The following HECW1 variants were observed in gnomAD, a reference collection of about 807,000 sequenced individuals.
The protein encoded by HECW1 is E3 ubiquitin-protein ligase HECW1.
Under a neutral mutation model 182.3 loss-of-function variants are expected in HECW1, and 61 were observed. The ratio of observed to expected loss-of-function variants is 0.33; its 90% CI spans 0.27 to 0.41. HECW1 has a LOEUF of 0.41. HECW1 is among the 10% of genes least tolerant of loss of function. The pLI, the probability that HECW1 is intolerant of heterozygous loss-of-function variation, is 1.00. For synonymous variants in HECW1, 859 were observed against 832.6 expected, an observed-to-expected ratio of 1.03 and a Z score of -0.55; for missense variants, 1,739 against 2,108.9, an observed-to-expected ratio of 0.82 and a Z score of 3.44.
At chr7:43,385,610 G>A (rs1328429204) in intron 6 of HECW1, among the ~76,000 whole-genome samples, 1 of 151,946 alleles carries the variant, frequency 6.6e-6, no homozygotes, top group Non-Finnish European at 1.5e-5. Flanking sequence ...TGTTGCCCTT[G>A]CTAACAGAAG....
chr7:43,267,888 T>C (rs997943983), intron 3 of HECW1, among the ~76,000 whole-genome samples: 2 of 152,202 alleles, frequency 1.3e-5, no homozygotes, highest in African/African-American at 4.8e-5. Context: ...ACTGAAGTTA[T>C]GAACATAACT....
intron 5 of HECW1, among the ~76,000 whole-genome samples, chr7:43,330,037 A>ATC (rs1213761784): frequency 6.6e-6 from 1 of 152,202 alleles, no homozygotes. Context: ...AGGAAGAAGA[A>ATC]GAGAAAGAGA....
At chr7:43,471,999 T>A (rs2078042013) in intron 16 of HECW1, among the ~76,000 whole-genome samples, 1 of 152,188 alleles carries the variant, frequency 6.6e-6, no homozygotes, top group Admixed American at 6.5e-5. Flanking sequence ...CTTCTGTTAT[T>A]AACTAAGAGG....
intron 8 of HECW1, among the ~76,000 whole-genome samples, chr7:43,414,769 C>T (rs1289290892): frequency 2.7e-4 from 41 of 150,482 alleles, no homozygotes; most frequent in African/African-American, 7.8e-4. Flanking sequence ...TATTGATTTG[C>T]GTATATTGAA....
In HECW1 at chr7:43,507,245, C is replaced by T. The variant is rs759660521; in HGVS notation, c.3740C>T (p.Pro1247Leu). The T allele has an allele frequency of 8.7e-6, 14 of 1,613,198 alleles. No homozygotes were observed. Among genetic ancestry groups the T allele is most frequent in the South Asian group, 1.1e-5 (1 of 91,046 alleles). The change falls in exon 22 of 30, where the codon CCG becomes CTG. Residue 1247 changes from proline (P) to leucine (L), a missense_variant. By Grantham distance (98) the Pro-to-Leu change is moderately conservative. Around this residue, in one of 5 missense-constraint regions of HECW1, gnomAD observed 420 missense variants for 595.7 expected, o/e 0.71. Transcript: ENST00000395891. ...GAAGCCAAAGGATTTGGTCAGGGTC[C>T]GGGGAAAATTAAGTGAGTGCTCCAG... ...KLEAKGFGQG[P>L]GKIKLIIRRD...
At position 43,114,242 on chromosome 7, in the gene HECW1, G is replaced by A. The variant is rs766430134; in HGVS notation, c.-181G>A. 9 of 1,362,014 alleles carry A rather than the reference G, an allele frequency of 6.6e-6. No homozygotes were observed. The highest frequency in any genetic ancestry group is 6.2e-5 in the South Asian group (5 of 81,136). The allele number at this position is 1,362,014 out of a possible 1,614,324, so 84.4% of individuals were successfully genotyped here. A position where few individuals can be genotyped will look rare whatever the true frequency, so the allele number is the denominator to read the frequency against. On this transcript the variant is annotated 5_prime_UTR_variant, in exon 2 of 30. The change creates a premature stop within an existing upstream ORF in the 5' untranslated region. Coordinates refer to ENST00000395891, the MANE Select transcript of HECW1 (RefSeq NM_015052.5). ...GGGAGGCATCTTCTCTCTTTTCCTG[G>A]GATTTAAACGCGATTTAGGAGGGCA... is the stretch of plus-strand genomic sequence containing the variant.
intron 3 of HECW1, among the ~76,000 whole-genome samples, chr7:43,306,216 A>T (rs1396356957): frequency 6.6e-6 from 1 of 152,200 alleles, no homozygotes; most frequent in Non-Finnish European, 1.5e-5. Flanking sequence ...TTTTAATGAG[A>T]TGTACAACAG....
intron 17 of HECW1, among the ~76,000 whole-genome samples, chr7:43,488,434 GAGAAAGAAAGAAAGAA>G (rs796394625): frequency 0.014 from 1,298 of 93,136 alleles, 20 homozygotes; most frequent in Middle Eastern, 0.041. Context: ...AAGAAAGAAA[GAGAAAGAAAGAAAGAA>G]AGAAAGAAAG....
intron 6 of HECW1, among the ~76,000 whole-genome samples, chr7:43,388,714 CT>C (rs897513144): frequency 9.8e-5 from 15 of 152,314 alleles, no homozygotes; most frequent in African/African-American, 3.6e-4. Context: ...CCTCTGCCTC[CT>C]GGGCTCAAGC....
chr7:43,343,030 A>G (rs1424720433), intron 5 of HECW1, among the ~76,000 whole-genome samples: 5 of 64,180 alleles, frequency 7.8e-5, no homozygotes, highest in African/African-American at 2.0e-4. Flanking sequence ...ATCTCAAAAG[A>G]AAAAAAAAAA....
chr7:43,304,601 C>T (rs1278183808), intron 3 of HECW1, among the ~76,000 whole-genome samples: 1 of 152,070 alleles, frequency 6.6e-6, no homozygotes, highest in Admixed American at 6.6e-5. Context: ...AGCGATTCTC[C>T]TGATTCAGCC....
chr7:43,184,542 G>A (rs542155450), intron 2 of HECW1, among the ~76,000 whole-genome samples: 44 of 152,244 alleles, frequency 2.9e-4, no homozygotes, highest in African/African-American at 9.9e-4. Context: ...GTGGCTGGAC[G>A]TCCCTAGATA....
intron 2 of HECW1, among the ~76,000 whole-genome samples, chr7:43,209,247 A>G (rs1409304266): frequency 6.6e-6 from 1 of 152,066 alleles, no homozygotes; most frequent in Non-Finnish European, 1.5e-5. Context: ...AAGACCACAT[A>G]CGGCACGCTG....
chr7:43,313,414 C>G (rs201364765), intron 4 of HECW1, among the ~76,000 whole-genome samples: 1 of 151,418 alleles, frequency 6.6e-6, no homozygotes, highest in East Asian at 1.9e-4. Context: ...CTCAGCTCAC[C>G]GCAACCTCTG....
chr7:43,370,258 C>T (rs1340977396), intron 6 of HECW1, among the ~76,000 whole-genome samples: 1 of 151,972 alleles, frequency 6.6e-6, no homozygotes, highest in South Asian at 2.1e-4. Context: ...GAAAAGATGC[C>T]CAACAATATA....
At chr7:43,282,679 T>G (rs142602873) in intron 3 of HECW1, among the ~76,000 whole-genome samples, 1,985 of 152,312 alleles carry the variant, frequency 0.013, 45 homozygotes, top group African/African-American at 0.046. Context: ...TAAAGCTGAT[T>G]TTAAACACTT....
intron 5 of HECW1, among the ~76,000 whole-genome samples, chr7:43,356,677 A>G (rs1362121861): frequency 5.3e-5 from 8 of 152,212 alleles, no homozygotes; most frequent in Non-Finnish European, 1.0e-4. Context: ...AAAAAAGTAG[A>G]AATCTTATCA....
At chr7:43,483,801 G>C (rs868597700) in intron 17 of HECW1, among the ~76,000 whole-genome samples, 41 of 151,952 alleles carry the variant, frequency 2.7e-4, no homozygotes, top group African/African-American at 9.4e-4. Flanking sequence ...TGCCTGCCTC[G>C]GCCTCCCAAA....
chr7:43,203,086 G>A (rs111512025), intron 2 of HECW1, among the ~76,000 whole-genome samples: 5 of 152,214 alleles, frequency 3.3e-5, no homozygotes, highest in African/African-American at 1.2e-4. Flanking sequence ...CTCTTCACAC[G>A]GACGCGCGTG....
Sources: gnomAD v4.1 joint callset for allele counts (sites outside exome capture counted in the v4.1 genomes callset) on GRCh38, gnomAD v4.1.1 for gene constraint, gnomAD v4.1.1 regional missense constraint, MANE v1.5 for transcripts, NCBI Gene and HGNC (gene_info 2026-07-23, HGNC 2026-07-21) for gene names.